NEDD4L: variants seen among roughly 807,000 people sequenced by gnomAD.
The protein encoded by NEDD4L is E3 ubiquitin-protein ligase NEDD4-like.
Under a neutral mutation model 148.9 loss-of-function variants are expected in NEDD4L, and 54 were observed. That is an observed-to-expected ratio of 0.36 (90% CI 0.29 to 0.45). NEDD4L has a LOEUF of 0.45. Ranked by LOEUF, NEDD4L falls within the 20% of genes least tolerant of loss-of-function variation. The pLI is 1.00. For synonymous variants in NEDD4L, 433 were observed against 440.7 expected, an observed-to-expected ratio of 0.98 and a Z score of 0.22; for missense variants, 856 against 1,233.8, an observed-to-expected ratio of 0.69 and a Z score of 4.59.
chr18:58,275,207 G>A (rs1462519986), intron 5 of NEDD4L, among the ~76,000 whole-genome samples: 3 of 102,406 alleles, frequency 2.9e-5, no homozygotes, highest in Non-Finnish European at 4.4e-5. Context: ...TAGAGAAAAC[G>A]TTAAAAATCA....
intron 1 of NEDD4L, among the ~76,000 whole-genome samples, chr18:58,085,770 A>G (rs1170241468): frequency 6.6e-6 from 1 of 152,068 alleles, no homozygotes; most frequent in Non-Finnish European, 1.5e-5. Flanking sequence ...TTTGCAACCA[A>G]CTCTTTTTCT....
chr18:58,345,854 GCCTCA>G (rs570756401), intron 16 of NEDD4L, among the ~76,000 whole-genome samples: 58 of 151,772 alleles, frequency 3.8e-4, no homozygotes, highest in South Asian at 3.1e-3. Flanking sequence ...CGATTCTCTT[GCCTCA>G]GCCTCCTGAG....
chr18:58,287,055 T>C (rs1045459174), intron 5 of NEDD4L, among the ~76,000 whole-genome samples: 1 of 152,194 alleles, frequency 6.6e-6, no homozygotes, highest in Non-Finnish European at 1.5e-5. Flanking sequence ...CTGATAATAC[T>C]TGAGAAACTA....
At chr18:58,206,560 CT>C (rs1260157733) in intron 2 of NEDD4L, among the ~76,000 whole-genome samples, 1 of 152,160 alleles carries the variant, frequency 6.6e-6, no homozygotes, top group African/African-American at 2.4e-5. Flanking sequence ...CAGGTATAAG[CT>C]CTTGGAGGAC....
intron 5 of NEDD4L, among the ~76,000 whole-genome samples, chr18:58,261,011 T>A (rs1277962178): frequency 6.6e-6 from 1 of 152,258 alleles, no homozygotes; most frequent in East Asian, 1.9e-4. Flanking sequence ...ACCAGGTATC[T>A]GTAATATACA....
chr18:58,178,833 T>C (rs932978520), intron 2 of NEDD4L, among the ~76,000 whole-genome samples: 1 of 152,242 alleles, frequency 6.6e-6, no homozygotes, highest in African/African-American at 2.4e-5. Context: ...TGATTGATCA[T>C]TGTTTTAAGC....
chr18:58,055,859 G>A (rs539033052), intron 1 of NEDD4L, among the ~76,000 whole-genome samples: 206 of 152,280 alleles, frequency 1.4e-3, no homozygotes, highest in African/African-American at 4.8e-3. Flanking sequence ...TTTTTTGTGT[G>A]TGCTATGGAA....
intron 1 of NEDD4L, among the ~76,000 whole-genome samples, chr18:58,139,427 C>A (rs907109372): frequency 5.3e-5 from 8 of 151,868 alleles, no homozygotes; most frequent in African/African-American, 1.9e-4. Context: ...TGGGCTGATA[C>A]AATCAAGATA....
intron 3 of NEDD4L, among the ~76,000 whole-genome samples, chr18:58,247,872 A>G (rs1169276989): frequency 1.3e-5 from 2 of 152,214 alleles, no homozygotes; most frequent in Non-Finnish European, 2.9e-5. Flanking sequence ...GGAGAAAAGT[A>G]TGAACCCCAT....
chr18:58,380,295 A>G (rs867883739), intron 24 of NEDD4L, among the ~76,000 whole-genome samples: 1 of 121,558 alleles, frequency 8.2e-6, no homozygotes, highest in Non-Finnish European at 1.6e-5. Flanking sequence ...TTTCTTTTTT[A>G]TTTTATTTAT....
At chr18:58,340,052 C>T (rs975032097) in intron 13 of NEDD4L, among the ~76,000 whole-genome samples, 2 of 152,162 alleles carry the variant, frequency 1.3e-5, no homozygotes, top group African/African-American at 4.8e-5. Context: ...CCCCTAGGAG[C>T]CGTGGTATAG....
At chr18:58,203,818 T>A (rs2041694173) in intron 2 of NEDD4L, among the ~76,000 whole-genome samples, 1 of 152,138 alleles carries the variant, frequency 6.6e-6, no homozygotes, top group Admixed American at 6.5e-5. Context: ...CCCTAAAAAC[T>A]TGTAGCATTT....
rs1009590921 is a variant in NEDD4L, at chr18:58,400,744, C to T, written c.*4475C>T. ...CCCGTACCAGTGCATCATCAGAAGC[C>T]TTCCTCGTGACCATAACTCTGTGTC... On this transcript the variant is annotated 3_prime_UTR_variant, in exon 31 of 31. Transcript: ENST00000400345. 2.6e-5 allele frequency: 4 copies of T among 152,236 alleles called. No homozygotes were observed. The highest frequency in any genetic ancestry group is 2.0e-4 in the Admixed American group (3 of 15,288). 9.4% of individuals were successfully genotyped at this position (152,236 alleles called of 1,614,324 possible). A position where few individuals can be genotyped will look rare whatever the true frequency, so the allele number is the denominator to read the frequency against.
At chr18:58,267,289 A>G (rs551031965) in intron 5 of NEDD4L, among the ~76,000 whole-genome samples, 2 of 152,188 alleles carry the variant, frequency 1.3e-5, no homozygotes, top group Non-Finnish European at 2.9e-5. Flanking sequence ...TTTACAGTTT[A>G]CAGAAAATTG....
At chr18:58,063,037 TTC>T (rs1491293217) in intron 1 of NEDD4L, among the ~76,000 whole-genome samples, 6 of 78,680 alleles carry the variant, frequency 7.6e-5, no homozygotes, top group Admixed American at 2.0e-4. Flanking sequence ...CATTTATTTG[TTC>T]TTTTTTTTTT....
intron 5 of NEDD4L, among the ~76,000 whole-genome samples, chr18:58,268,512 T>C (rs958319827): frequency 2.0e-5 from 3 of 151,952 alleles, no homozygotes; most frequent in Non-Finnish European, 4.4e-5. Context: ...TGGGGTGAAA[T>C]ATTTTTATTC....
intron 2 of NEDD4L, chr18:58,221,688 T>C (rs2043792767): frequency 3.0e-6 from 3 of 985,478 alleles, no homozygotes; most frequent in Non-Finnish European, 2.4e-6. Context: ...CCAAGGTAGA[T>C]TTCCAGCAGC....
chr18:58,314,881 A>G (rs1399417212), intron 5 of NEDD4L, among the ~76,000 whole-genome samples: 2 of 152,210 alleles, frequency 1.3e-5, no homozygotes, highest in Admixed American at 6.5e-5. Flanking sequence ...AATAAATCTC[A>G]TTCATATTTA....
At chr18:58,159,200 G>A (rs1027573440) in intron 1 of NEDD4L, among the ~76,000 whole-genome samples, 13 of 151,984 alleles carry the variant, frequency 8.6e-5, no homozygotes, top group Admixed American at 1.3e-4. Flanking sequence ...TGTGGGGTGG[G>A]GACGCAATAG....
Sources: gnomAD v4.1 joint callset for allele counts (sites outside exome capture counted in the v4.1 genomes callset) on GRCh38, gnomAD v4.1.1 for gene constraint, MANE v1.5 for transcripts, NCBI Gene and HGNC (gene_info 2026-07-23, HGNC 2026-07-21) for gene names.